Variants in UGT2B17 observed in about 807,000 individuals in gnomAD.
UGT2B17 encodes UDP-glucuronosyltransferase 2B17.
In UGT2B17, 21 loss-of-function variants were observed where a neutral mutation model predicts 48.2. The ratio of observed to expected loss-of-function variants is 0.44; its 90% CI spans 0.31 to 0.63. The LOEUF (loss-of-function observed/expected upper bound fraction) is 0.63. Among genes scored for constraint, UGT2B17 ranks in the 20% least tolerant of loss-of-function variants. UGT2B17 has a pLI of 0.08. For synonymous variants in UGT2B17, 146 were observed against 238.4 expected (o/e 0.61, Z 3.57); for missense variants, 402 against 696.1 (o/e 0.58, Z 4.75).
Position 68,574,020 on chromosome 4 carries a change from C to T in UGT2B17, c.-65+1931G>A, listed in dbSNP as rs1204520092. ...CCACACCTGGTGAACTGGAGGACCA[C>T]CGTAGTGGGAAGGGGACAATTAGGG... On this transcript the variant is annotated intron_variant, in intron 1 of 6. Transcript: ENST00000317746. Among the ~76,000 whole-genome samples the T allele has an allele frequency of 2.1e-4, 26 of 126,572 alleles. 3 individuals are homozygous for T. The highest frequency in any genetic ancestry group is 6.0e-4 in the African/African-American group (22 of 36,858). The allele number at this position is 126,572 out of a possible 152,430, so 83.0% of individuals were successfully genotyped here. A position where few individuals can be genotyped will look rare whatever the true frequency, so the allele number is the denominator to read the frequency against.
rs190342262 is a variant in UGT2B17 at position 68,548,481 on chromosome 4, C to A, written c.1313+2196G>T. ...AGGAGATACACTTAATGTTAAATGA[C>A]GAGTTAATGGGTGCAGCACACCAAC... On this transcript the variant is annotated intron_variant, in intron 6 of 6. Transcript: ENST00000317746. 4.0e-5 allele frequency among the ~76,000 whole-genome samples: 5 copies of A among 124,316 alleles called. 1 individual carries two copies. The highest frequency in any genetic ancestry group is 3.3e-4 in the Admixed American group (4 of 12,020). 81.6% of individuals were successfully genotyped at this position (124,316 alleles called of 152,430 possible). A position where few individuals can be genotyped will look rare whatever the true frequency, so the allele number is the denominator to read the frequency against.
rs1402448688 is a variant in UGT2B17, at chr4:68,545,918, T to A, written c.1313+4759A>T. On this transcript the variant is annotated intron_variant, in intron 6 of 6. Transcript: ENST00000317746. ...ATAGACTAATAACAGGCTCTGAAAT[T>A]GAGGCAATAATTAATAGCTTACCAA... Among the ~76,000 whole-genome samples the A allele has an allele frequency of 1.6e-5, 2 of 125,534 alleles. 1 individual carries two copies. The highest frequency in any genetic ancestry group is 1.5e-3 in the East Asian group (2 of 1,310). The allele number at this position is 125,534 out of a possible 152,430, so 82.4% of individuals were successfully genotyped here.
At position 68,538,771 on chromosome 4, in the gene UGT2B17, A is replaced by G. The variant is rs1319617138; in HGVS notation, c.1314-867T>C. On this transcript the variant is annotated intron_variant, in intron 6 of 6. Coordinates refer to ENST00000317746, the MANE Select transcript of UGT2B17 (RefSeq NM_001077.4). Reference sequence around the variant, plus strand: ...CTGTGGTCTAGAGAACGCTACACAGACACCTACTTGTCCTAACCCTTTCCC... The same window carrying G: ...CTGTGGTCTAGAGAACGCTACACAGGCACCTACTTGTCCTAACCCTTTCCC... 1.6e-5 allele frequency among the ~76,000 whole-genome samples: 2 copies of G among 126,384 alleles called. 1 individual carries two copies. Among genetic ancestry groups the G allele is most frequent in the Middle Eastern group, 7.9e-3 (2 of 252 alleles). The allele number at this position is 126,384 out of a possible 152,430, so 82.9% of individuals were successfully genotyped here. A position where few individuals can be genotyped will look rare whatever the true frequency, so the allele number is the denominator to read the frequency against.
At position 68,565,319 on chromosome 4, in the gene UGT2B17, G is replaced by T. The variant is rs576921946; in HGVS notation, c.873+253C>A. ...TTGAAGAAATGAACCATACTATCTT[G>T]TGGGTTGCACAATGAAGGCCTTACT... On this transcript the variant is annotated intron_variant, in intron 3 of 6. Coordinates refer to ENST00000317746, the MANE Select transcript of UGT2B17 (RefSeq NM_001077.4). Among the ~76,000 whole-genome samples, 522 of 125,852 alleles carry T rather than the reference G, an allele frequency of 4.1e-3. 84 individuals are homozygous for T. The highest frequency in any genetic ancestry group is 0.012 in the African/African-American group (443 of 36,750). 82.6% of individuals were successfully genotyped at this position (125,852 alleles called of 152,430 possible). A position where few individuals can be genotyped will look rare whatever the true frequency, so the allele number is the denominator to read the frequency against.
chr4:68,565,826 T>A, intron 2 of UGT2B17, 106 bp from the exon 3 acceptor site: 1 of 920,306 alleles, frequency 1.1e-6, no homozygotes. Flanking sequence ...ATAACATACC[T>A]AAAAATATAT....
At chr4:68,569,141 C>G (rs1358048594) in intron 1 of UGT2B17, among the ~76,000 whole-genome samples, 1 of 124,928 alleles carries the variant, frequency 8.0e-6, no homozygotes, top group Non-Finnish European at 1.7e-5. Context: ...CAGCTCCAGA[C>G]AGAGCAGCAT....
At chr4:68,564,788 C>T (rs1165396999) in intron 3 of UGT2B17, among the ~76,000 whole-genome samples, 1 of 125,788 alleles carries the variant, frequency 7.9e-6, no homozygotes, top group Non-Finnish European at 1.7e-5. Context: ...GCAGCCTCTG[C>T]CCCCAGACTC....
rs1731271722 is a variant in UGT2B17 at position 68,569,844 on chromosome 4, C to T, written c.-64-1296G>A. Reference sequence around the variant, plus strand: ...GCTGATGCCATTTTAGGCCTCAGCCCACCTGCACCCAGGCACTCATTAAAA... The same window carrying T: ...GCTGATGCCATTTTAGGCCTCAGCCTACCTGCACCCAGGCACTCATTAAAA... On this transcript the variant is annotated intron_variant, in intron 1 of 6. Coordinates refer to ENST00000317746, the MANE Select transcript of UGT2B17 (RefSeq NM_001077.4). 1.6e-5 allele frequency among the ~76,000 whole-genome samples: 2 copies of T among 126,506 alleles called. 1 individual carries two copies. Among genetic ancestry groups the T allele is most frequent in the Admixed American group, 1.6e-4 (2 of 12,430 alleles). The allele number at this position is 126,506 out of a possible 152,430, so 83.0% of individuals were successfully genotyped here.
In UGT2B17 at chr4:68,544,424, TA is replaced by T. The variant is rs1321879819; in HGVS notation, c.1313+6252del. 1.6e-5 allele frequency among the ~76,000 whole-genome samples: 2 copies of T among 125,456 alleles called. 1 individual carries two copies. Among genetic ancestry groups the T allele is most frequent in the Non-Finnish European group, 3.4e-5 (2 of 59,382 alleles). The allele number at this position is 125,456 out of a possible 152,430, so 82.3% of individuals were successfully genotyped here. ...GATTTTGTCACCACCAGGCCTGCCC[TA>T]AAAGAGCTCCTGAAGGAAGCACTAA... is the stretch of plus-strand genomic sequence containing the variant. On this transcript the variant is annotated intron_variant, in intron 6 of 6. Transcript: ENST00000317746.
Position 68,555,545 on chromosome 4 carries a change from A to T in UGT2B17, c.1006-3634T>A. On this transcript the variant is annotated intron_variant, in intron 4 of 6. Coordinates refer to ENST00000317746, the MANE Select transcript of UGT2B17 (RefSeq NM_001077.4). ...TGGAGGTTAAAAGCAAGATGGAGTT[A>T]GGTCAGATCTTTTTCACTGTCTCAG... 1.6e-5 allele frequency among the ~76,000 whole-genome samples: 2 copies of T among 126,358 alleles called. 1 individual carries two copies. The highest frequency in any genetic ancestry group is 3.4e-5 in the Non-Finnish European group (2 of 59,446). 82.9% of individuals were successfully genotyped at this position (126,358 alleles called of 152,430 possible). A position where few individuals can be genotyped will look rare whatever the true frequency, so the allele number is the denominator to read the frequency against.
rs1219136280 is a variant in UGT2B17, at chr4:68,564,785, C to G, written c.873+787G>C. Among the ~76,000 whole-genome samples the G allele has an allele frequency of 1.6e-5, 2 of 125,742 alleles. 1 individual carries two copies. Among genetic ancestry groups the G allele is most frequent in the Non-Finnish European group, 3.4e-5 (2 of 59,348 alleles). 82.5% of individuals were successfully genotyped at this position (125,742 alleles called of 152,430 possible). On this transcript the variant is annotated intron_variant, in intron 3 of 6. Coordinates refer to ENST00000317746, the MANE Select transcript of UGT2B17 (RefSeq NM_001077.4). ...GTGTGGTCTCAGCTCACTGCAGCCT[C>G]TGCCCCCAGACTCAAGCAAGCCTCC... is the stretch of plus-strand genomic sequence containing the variant.
At position 68,565,602 on chromosome 4, in the gene UGT2B17, A is replaced by G; in HGVS notation, c.843T>C (p.Leu281=). The G allele has an allele frequency of 2.2e-6, 3 of 1,371,278 alleles. 1 individual carries two copies. The highest frequency in any genetic ancestry group is 2.9e-6 in the Non-Finnish European group (3 of 1,051,270). The allele number at this position is 1,371,278 out of a possible 1,614,324, so 84.9% of individuals were successfully genotyped here. A position where few individuals can be genotyped will look rare whatever the true frequency, so the allele number is the denominator to read the frequency against. ...FLPNVDFVGG[L]HCKPAKPLPK... is the part of the protein sequence containing the mutation. ...GCAAGGGTTTGGCTGGTTTACAGTG[A>G]AGTCCTCCAACAAAATCAACATTTG... Residue 281 remains leucine, a synonymous_variant, in exon 3 of 7, where the codon CTT becomes CTC. Transcript: ENST00000317746.
rs1380387602 is a variant in UGT2B17, at chr4:68,537,601, T to C, written c.*24A>G. ...AAGGAGGAGTCCCATCTTTTGGTCA[T>C]TCCACTTCAGGCTTTTGATATAACT... On this transcript the variant is annotated 3_prime_UTR_variant, in exon 7 of 7. Coordinates refer to ENST00000317746, the MANE Select transcript of UGT2B17 (RefSeq NM_001077.4). 2.3e-6 allele frequency: 3 copies of C among 1,325,024 alleles called. No individual in the cohort carries two copies. The highest frequency in any genetic ancestry group is 2.2e-5 in the Admixed American group (1 of 46,202). The allele number at this position is 1,325,024 out of a possible 1,614,324, so 82.1% of individuals were successfully genotyped here.
At chr4:68,563,668 C>G (rs1467098681) in intron 3 of UGT2B17, among the ~76,000 whole-genome samples, 1 of 126,366 alleles carries the variant, frequency 7.9e-6, no homozygotes, top group Non-Finnish European at 1.7e-5. Context: ...GGCACTATCA[C>G]TTTCTTTTGA....
At chr4:68,539,527 G>A (rs2109757236) in intron 6 of UGT2B17, among the ~76,000 whole-genome samples, 1 of 123,890 alleles carries the variant, frequency 8.1e-6, no homozygotes, top group African/African-American at 2.7e-5. Context: ...TTTGTTGGAT[G>A]TATACTTGGA....
intron 6 of UGT2B17, among the ~76,000 whole-genome samples, chr4:68,539,228 T>C (rs1730611040): frequency 7.9e-6 from 1 of 125,820 alleles, no homozygotes; most frequent in African/African-American, 2.7e-5. Context: ...AACTCTTTCC[T>C]CCTGGGCCAT....
intron 3 of UGT2B17, among the ~76,000 whole-genome samples, chr4:68,562,911 A>G (rs1253267214): frequency 3.2e-5 from 4 of 126,580 alleles, no homozygotes; most frequent in African/African-American, 1.1e-4. Flanking sequence ...CCTGTACTAC[A>G]GCTGACAGTG....
rs1203314503 is a variant in UGT2B17, at chr4:68,550,579, C to T, written c.1313+98G>A. 3.4e-5 allele frequency: 31 copies of T among 924,946 alleles called. 5 individuals carry two copies. Among genetic ancestry groups the T allele is most frequent in the Non-Finnish European group, 4.2e-5 (29 of 686,630 alleles). 57.3% of individuals were successfully genotyped at this position (924,946 alleles called of 1,614,324 possible). On this transcript the variant is annotated intron_variant, in intron 6 of 6. Transcript: ENST00000317746. ...TTACATTGGTTAAATCACTTCAATCCCTTCAAAATTAGTCTCTTAACAAAG... is the reference window on the plus strand; with the variant it reads ...TTACATTGGTTAAATCACTTCAATCTCTTCAAAATTAGTCTCTTAACAAAG...
At position 68,567,239 on chromosome 4, in the gene UGT2B17, T is replaced by G. The variant is rs1731216949; in HGVS notation, c.724+522A>C. ...TGAAGGAATGTATAAATATTAGAAA[T>G]CTCAAGTTTTAGGCTTCTGTTTCTG... On this transcript the variant is annotated intron_variant, in intron 2 of 6. Coordinates refer to ENST00000317746, the MANE Select transcript of UGT2B17 (RefSeq NM_001077.4). Among the ~76,000 whole-genome samples, 2 of 125,428 alleles carry G rather than the reference T, an allele frequency of 1.6e-5. 1 individual carries two copies. The highest frequency in any genetic ancestry group is 1.6e-4 in the Admixed American group (2 of 12,196). The allele number at this position is 125,428 out of a possible 152,430, so 82.3% of individuals were successfully genotyped here.
Sources: allele counts gnomAD v4.1 joint callset (sites outside exome capture counted in the v4.1 genomes callset), GRCh38; gene constraint gnomAD v4.1.1; transcripts MANE v1.5; gene names NCBI Gene and HGNC (gene_info 2026-07-23, HGNC 2026-07-21).